CELF2: variants seen among roughly 807,000 people sequenced by gnomAD.
The protein encoded by CELF2 is CUG triplet repeat RNA-binding protein 2.
In CELF2, 8 loss-of-function variants were observed where a neutral mutation model predicts 62.6. The ratio of observed to expected loss-of-function variants is 0.13; its 90% confidence interval spans 0.07 to 0.23. The LOEUF is 0.23. CELF2 is among the 10% of genes least tolerant of loss of function. CELF2 has a pLI of 1.00. For synonymous variants in CELF2, 258 were observed against 250.0 expected (o/e 1.03, Z -0.30); for missense variants, 333 against 671.0 (o/e 0.50, Z 5.56).
intron 1 of CELF2, among the ~76,000 whole-genome samples, chr10:10,905,660 C>T (rs566058053): frequency 1.3e-3 from 194 of 151,812 alleles, no homozygotes; most frequent in African/African-American, 4.6e-3. Context: ...AGGCAGATCA[C>T]GAGGTCAGAG....
intron 2 of CELF2, among the ~76,000 whole-genome samples, chr10:10,998,102 T>C (rs2054158352): frequency 6.6e-6 from 1 of 152,192 alleles, no homozygotes; most frequent in Admixed American, 6.5e-5. Context: ...CCACCATGAT[T>C]GTGAGGCCTC....
At chr10:10,675,929 A>T in the CELF2 span, among the ~76,000 whole-genome samples, 1 of 152,198 alleles carries the variant, frequency 6.6e-6, no homozygotes, top group South Asian at 2.1e-4. Flanking sequence ...TCCCTCTCTG[A>T]TAATTCCAAC....
At chr10:10,665,060 G>C in the CELF2 span, among the ~76,000 whole-genome samples, 10 of 152,136 alleles carry the variant, frequency 6.6e-5, no homozygotes, top group Non-Finnish European at 1.5e-4. Flanking sequence ...TGCCTTCTTT[G>C]GTTAAAATTC....
intron 2 of CELF2, among the ~76,000 whole-genome samples, chr10:11,195,304 G>A (rs1446332332): frequency 6.6e-6 from 1 of 152,234 alleles, no homozygotes; most frequent in East Asian, 1.9e-4. Context: ...CAGAAACACA[G>A]CAGGCACCAA....
intron 1 of CELF2, among the ~76,000 whole-genome samples, chr10:11,066,474 G>C (rs2068202618): frequency 6.6e-6 from 1 of 152,084 alleles, no homozygotes; most frequent in Non-Finnish European, 1.5e-5. Context: ...AGGACCTCAG[G>C]TCACTCAAGG....
intron 9 of CELF2, among the ~76,000 whole-genome samples, chr10:11,292,761 G>A (rs1024561142): frequency 3.3e-5 from 5 of 152,104 alleles, no homozygotes; most frequent in South Asian, 2.1e-4. Flanking sequence ...TGCCCTTCCC[G>A]CTGCCTGCCC....
intron 2 of CELF2, among the ~76,000 whole-genome samples, chr10:10,980,539 C>A (rs567179799): frequency 6.6e-6 from 1 of 152,292 alleles, no homozygotes; most frequent in Admixed American, 6.5e-5. Context: ...TTCTTAAAAA[C>A]CTCCTGTTTC....
the CELF2 span, among the ~76,000 whole-genome samples, chr10:10,499,063 A>G: frequency 7.2e-6 from 1 of 138,736 alleles, no homozygotes; most frequent in Non-Finnish European, 1.5e-5. Context: ...TTTCCCAAGC[A>G]TTCTACTTTT....
intron 1 of CELF2, among the ~76,000 whole-genome samples, chr10:11,086,617 A>G (rs1340420827): frequency 3.1e-5 from 4 of 129,046 alleles, no homozygotes; most frequent in Non-Finnish European, 6.5e-5. Flanking sequence ...AAAACTCCCG[A>G]CAGCACCAGC....
chr10:10,513,035 TGATGCACAAGGCTGTTCG>T, the CELF2 span, among the ~76,000 whole-genome samples: 3 of 152,158 alleles, frequency 2.0e-5, no homozygotes, highest in Admixed American at 6.5e-5. Flanking sequence ...GGTTTTCTGG[TGATGCACAAGGCTGTTCG>T]GATCACCCAC....
At position 11,018,222 on chromosome 10, in the gene CELF2, G is replaced by A. The variant is rs2057628116; in HGVS notation, c.74+59G>A. ...GGGCGTCCTCCTCCCAGAGTCGGCG[G>A]CGCGAAGGGGACGGGCGTCGCCCGC... On this transcript the variant is annotated intron_variant, in intron 1 of 12. Transcript: ENST00000633077. The A allele has an allele frequency of 4.2e-6, 6 of 1,424,616 alleles. No individual in the cohort carries two copies. In the Admixed American group the frequency reaches 1.1e-4, roughly 26 times the overall value. 88.2% of individuals were successfully genotyped at this position (1,424,616 alleles called of 1,614,324 possible).
the CELF2 span, among the ~76,000 whole-genome samples, chr10:10,646,277 C>G: frequency 1.3e-5 from 2 of 152,176 alleles, no homozygotes; most frequent in African/African-American, 2.4e-5. Context: ...CACAATTTCC[C>G]TAAGGACCAA....
At chr10:10,556,221 C>T in the CELF2 span, among the ~76,000 whole-genome samples, 206 of 152,090 alleles carry the variant, frequency 1.4e-3, no homozygotes, top group African/African-American at 2.3e-3. Context: ...TGTGATATTC[C>T]GCTTCCTGTG....
intron 1 of CELF2, among the ~76,000 whole-genome samples, chr10:11,100,544 G>A (rs2051289334): frequency 6.6e-6 from 1 of 150,624 alleles, no homozygotes; most frequent in South Asian, 2.1e-4. Context: ...TACCCTCTAG[G>A]AAATGAAAAG....
At chr10:11,090,734 A>G (rs1482730133) in intron 1 of CELF2, among the ~76,000 whole-genome samples, 2 of 152,204 alleles carry the variant, frequency 1.3e-5, no homozygotes, top group Non-Finnish European at 2.9e-5. Flanking sequence ...ATAATTACTG[A>G]TTATTTTCTA....
At chr10:10,671,017 A>AT in the CELF2 span, among the ~76,000 whole-genome samples, 1 of 152,024 alleles carries the variant, frequency 6.6e-6, no homozygotes, top group East Asian at 1.9e-4. Flanking sequence ...AAATAAAAAC[A>AT]TTAGCCAGGC....
intron 2 of CELF2, among the ~76,000 whole-genome samples, chr10:10,960,693 C>G (rs528762433): frequency 3.3e-5 from 5 of 152,330 alleles, no homozygotes; most frequent in African/African-American, 9.6e-5. Flanking sequence ...ACACGACATC[C>G]CATTTCCTAA....
chr10:10,789,854 T>A, the CELF2 span, among the ~76,000 whole-genome samples: 1 of 152,134 alleles, frequency 6.6e-6, no homozygotes, highest in African/African-American at 2.4e-5. Flanking sequence ...TCTTAATTTG[T>A]CTTTCATTTT....
intron 1 of CELF2, among the ~76,000 whole-genome samples, chr10:10,918,575 T>C (rs192348211): frequency 6.6e-6 from 1 of 151,726 alleles, no homozygotes; most frequent in Non-Finnish European, 1.5e-5. Context: ...GAAGAGGGAG[T>C]TCTAATAGCT....
Sources: allele counts gnomAD v4.1 joint callset (sites outside exome capture counted in the v4.1 genomes callset), GRCh38; gene constraint gnomAD v4.1.1; transcripts MANE v1.5; gene names NCBI Gene and HGNC (gene_info 2026-07-23, HGNC 2026-07-21).